CNTLN: variants seen among roughly 807,000 people sequenced by gnomAD.
The protein encoded by CNTLN is centlein.
A neutral mutation model predicts 180.0 loss-of-function variants in CNTLN; 212 were observed. The ratio of observed to expected loss-of-function variants is 1.18; its 90% CI spans 1.05 to 1.32. The LOEUF is 1.32. CNTLN is among the 40% of genes most tolerant of loss of function. The pLI is 0.00. For missense variants in CNTLN, 2,095 were observed against 1,610.9 expected, an observed-to-expected ratio of 1.30 and a Z score of -5.14; for synonymous variants, 722 against 563.1, an observed-to-expected ratio of 1.28 and a Z score of -3.99.
At chr9:17,507,428 A>G (rs2754298), downstream of CNTLN, among the ~76,000 whole-genome samples, 52,911 of 152,004 alleles carry the variant, frequency 0.35, 9,430 homozygotes, top group South Asian at 0.52. Context: ...TATCCTTGCT[A>G]TTGTGAAGAA....
chr9:17,314,483 C>G (rs1451270914), intron 8 of CNTLN, among the ~76,000 whole-genome samples: 1 of 152,176 alleles, frequency 6.6e-6, no homozygotes, highest in East Asian at 1.9e-4. Context: ...TTTCGGTTAT[C>G]TTAACCTTAT....
intron 14 of CNTLN, among the ~76,000 whole-genome samples, chr9:17,391,069 CAA>C (rs1826075626): frequency 6.6e-6 from 1 of 152,040 alleles, no homozygotes; most frequent in Non-Finnish European, 1.5e-5. Context: ...GCTTCAAAAA[CAA>C]AGACCCAGAG....
At chr9:17,494,423 A>G (rs1224857952) in intron 25 of CNTLN, among the ~76,000 whole-genome samples, 1 of 152,120 alleles carries the variant, frequency 6.6e-6, no homozygotes, top group East Asian at 1.9e-4. Flanking sequence ...TTATATAGGT[A>G]AACTCATGTC....
chr9:17,362,131 G>A (rs1823445752), intron 12 of CNTLN, among the ~76,000 whole-genome samples: 1 of 152,198 alleles, frequency 6.6e-6, no homozygotes, highest in South Asian at 2.1e-4. Flanking sequence ...CAAGCTGTAA[G>A]TATAAAGTAT....
chr9:17,429,204 ACACC>A (rs993671202), intron 18 of CNTLN, among the ~76,000 whole-genome samples: 1 of 152,072 alleles, frequency 6.6e-6, no homozygotes, highest in African/African-American at 2.4e-5. Flanking sequence ...CATAGTAGCA[ACACC>A]CTATTTATCT....
rs116168898 is a variant in CNTLN, at chr9:17,349,022, A to G, written c.1886+6578A>G. ...TTTGTTTCTGTTCATTGGCACTTCT[A>G]GGTGGTGAGTTTCTCTAGGAACTAG... On this transcript the variant is annotated intron_variant, in intron 12 of 25. Coordinates refer to ENST00000380647, the MANE Select transcript of CNTLN (RefSeq NM_017738.4). Among the ~76,000 whole-genome samples, 1,025 of 152,114 alleles carry G rather than the reference A, an allele frequency of 6.7e-3. 7 individuals are homozygous for G. Among genetic ancestry groups the G allele is most frequent in the African/African-American group, 0.024 (978 of 41,504 alleles).
chr9:17,230,292 T>TA (rs1587258257), intron 3 of CNTLN, among the ~76,000 whole-genome samples: 1 of 152,186 alleles, frequency 6.6e-6, no homozygotes, highest in East Asian at 1.9e-4. Context: ...TACAGTTAGC[T>TA]ACCTACAGAG....
intron 7 of CNTLN, chr9:17,300,773 G>C (rs529866705): frequency 1.9e-5 from 3 of 159,564 alleles, no homozygotes; most frequent in Non-Finnish European, 4.0e-5. Context: ...TTACCTCTCT[G>C]ATCTCATCTT....
chr9:17,498,615 G>A (rs1393749688), intron 25 of CNTLN, among the ~76,000 whole-genome samples: 1 of 152,154 alleles, frequency 6.6e-6, no homozygotes, highest in Non-Finnish European at 1.5e-5. Flanking sequence ...CACTCAGTAT[G>A]AAATCTTCAC....
chr9:17,298,188 A>T lies in CNTLN; in HGVS notation c.984-2A>T, dbSNP rs1183675915. On this transcript the variant is annotated splice_acceptor_variant, in intron 6 of 25. Coordinates refer to ENST00000380647, the MANE Select transcript of CNTLN (RefSeq NM_017738.4). LOFTEE classifies it high-confidence loss of function. The stretch of plus-strand genomic sequence containing the variant: ...TCTCTATTTATTGCTTGCTTTGCAC[A>T]GGAAGGAACTGCAGGAGCTGCAGAA... 1 of 1,472,014 alleles carries T rather than the reference A, an allele frequency of 6.8e-7. No homozygotes were observed. Among genetic ancestry groups the T allele is most frequent in the African/African-American group, 1.4e-5 (1 of 69,676 alleles). 91.2% of individuals were successfully genotyped at this position (1,472,014 alleles called of 1,614,324 possible).
intron 6 of CNTLN, among the ~76,000 whole-genome samples, chr9:17,288,936 C>T (rs1219217617): frequency 1.7e-5 from 2 of 115,184 alleles, no homozygotes; most frequent in Non-Finnish European, 1.8e-5. Flanking sequence ...GAATACAGCA[C>T]ACTGATGGGT....
chr9:17,358,177 C>T (rs1823001130), intron 12 of CNTLN, among the ~76,000 whole-genome samples: 1 of 151,976 alleles, frequency 6.6e-6, no homozygotes, highest in Non-Finnish European at 1.5e-5. Context: ...AGGGTGTTCG[C>T]TGCAGCAGTT....
intron 18 of CNTLN, among the ~76,000 whole-genome samples, chr9:17,455,079 A>T (rs914265165): frequency 6.6e-6 from 1 of 152,180 alleles, no homozygotes; most frequent in African/African-American, 2.4e-5. Flanking sequence ...AAAGTTATTT[A>T]TACATTTTTT....
At chr9:17,330,993 T>G (rs1037078546) in intron 9 of CNTLN, among the ~76,000 whole-genome samples, 185 bp downstream of exon 9, 5 of 152,060 alleles carry the variant, frequency 3.3e-5, no homozygotes, top group Admixed American at 6.6e-5. Flanking sequence ...TTTTAAAGAC[T>G]GAGTTATATT....
intron 2 of CNTLN, among the ~76,000 whole-genome samples, chr9:17,204,031 T>G (rs1000912640): frequency 7.9e-5 from 12 of 152,346 alleles, no homozygotes; most frequent in African/African-American, 2.9e-4. Flanking sequence ...TGTTCCTCTC[T>G]AAACGGGTTA....
At chr9:17,341,731 T>G (rs1245433113) in intron 11 of CNTLN, among the ~76,000 whole-genome samples, 1 of 152,130 alleles carries the variant, frequency 6.6e-6, no homozygotes, top group Non-Finnish European at 1.5e-5. Flanking sequence ...AAAATGAAAA[T>G]GTAAAGGGCA....
At chr9:17,310,165 A>G (rs1819026770) in intron 8 of CNTLN, among the ~76,000 whole-genome samples, 1 of 152,184 alleles carries the variant, frequency 6.6e-6, no homozygotes, top group African/African-American at 2.4e-5. Flanking sequence ...TTATCCAAAG[A>G]CTAGATCATT....
At chr9:17,405,195 A>G (rs947488433) in intron 15 of CNTLN, among the ~76,000 whole-genome samples, 2 of 151,456 alleles carry the variant, frequency 1.3e-5, no homozygotes, top group African/African-American at 4.9e-5. Context: ...TCTTCTTCTC[A>G]CTGATATTTA....
At chr9:17,325,283 CATAT>C (rs1563995419) in intron 8 of CNTLN, among the ~76,000 whole-genome samples, 1 of 150,374 alleles carries the variant, frequency 6.7e-6, no homozygotes, top group Non-Finnish European at 1.5e-5. Context: ...TGGTAATAGA[CATAT>C]TGCTGCATTT....
Sources: gnomAD v4.1 joint callset for allele counts (sites outside exome capture counted in the v4.1 genomes callset) on GRCh38, gnomAD v4.1.1 for gene constraint, MANE v1.5 for transcripts, NCBI Gene and HGNC (gene_info 2026-07-23, HGNC 2026-07-21) for gene names.